ZC3H15: variants seen among roughly 807,000 people sequenced by gnomAD.
ZC3H15 encodes zinc finger CCCH domain-containing protein 15.
Under a neutral mutation model 51.2 loss-of-function variants are expected in ZC3H15, and 15 were observed. The ratio of observed to expected loss-of-function variants is 0.29; its 90% confidence interval spans 0.20 to 0.45. The LOEUF (loss-of-function observed/expected upper bound fraction) is 0.45. Ranked by LOEUF, ZC3H15 falls within the 20% of genes least tolerant of loss-of-function variation. The pLI, the probability that ZC3H15 is intolerant of heterozygous loss-of-function variation, is 1.00. For synonymous variants in ZC3H15, 144 were observed against 162.8 expected (o/e 0.88, Z 0.88); for missense variants, 381 against 494.7 (o/e 0.77, Z 2.18).
chr2:186,498,658 A>C lies in ZC3H15; in HGVS notation c.178-1524A>C, dbSNP rs575281577. On this transcript the variant is annotated intron_variant, in intron 2 of 9. Transcript: ENST00000337859. ...AGCATTTGGCCATTCCTTTCCTAAA[A>C]TTTCCTCTTTCTTGAACACATTTTG... is the stretch of plus-strand genomic sequence containing the variant. Among the ~76,000 whole-genome samples the C allele has an allele frequency of 8.1e-4, 124 of 152,188 alleles. 2 individuals carry two copies. In the South Asian group the frequency reaches 0.025, roughly 31 times the overall value.
In ZC3H15 at chr2:186,508,863, C is replaced by CA. The variant is rs1241363543; in HGVS notation, c.*136dup. 8.4e-6 allele frequency: 8 copies of CA among 947,886 alleles called. No homozygotes were observed. The Admixed American group carries it at 1.3e-4, about 15-fold the overall frequency. The allele number at this position is 947,886 out of a possible 1,614,324, so 58.7% of individuals were successfully genotyped here. A position where few individuals can be genotyped will look rare whatever the true frequency, so the allele number is the denominator to read the frequency against. The stretch of plus-strand genomic sequence containing the variant: ...TGATTCTGGAGGAGTTAACCTCCTG[C>CA]AAAAAAGGCATCTTGTCCCTACATC... On this transcript the variant is annotated 3_prime_UTR_variant, in exon 10 of 10. Transcript: ENST00000337859.
intron 3 of ZC3H15, among the ~76,000 whole-genome samples, chr2:186,500,906 C>T (rs1685371738): frequency 6.6e-6 from 1 of 152,118 alleles, no homozygotes; most frequent in African/African-American, 2.4e-5. Flanking sequence ...ATCTCCTGAC[C>T]TCGTTATCTG....
chr2:186,503,101 A>T (rs1303741362), intron 5 of ZC3H15, among the ~76,000 whole-genome samples: 1 of 152,200 alleles, frequency 6.6e-6, no homozygotes, highest in Non-Finnish European at 1.5e-5. Flanking sequence ...TTATGTCTAT[A>T]TTTATAGTGA....
Position 186,504,727 on chromosome 2 carries a change from TATTCTATG to T in ZC3H15, c.717+515_717+522del, listed in dbSNP as rs1317435922. On this transcript the variant is annotated intron_variant, in intron 6 of 9. Transcript: ENST00000337859. The stretch of plus-strand genomic sequence containing the variant: ...TTTGGCTCCGTACAAAACACAGTTT[TATTCTATG>T]AAAATTTTGAGATTATTAGAAACAT... Among the ~76,000 whole-genome samples, 5 of 152,366 alleles carry T rather than the reference TATTCTATG, an allele frequency of 3.3e-5. No individual in the cohort carries two copies. The East Asian group carries it at 9.6e-4, about 29-fold the overall frequency.
Position 186,508,704 on chromosome 2 carries a change from G to C in ZC3H15, c.1252G>C (p.Glu418Gln). The C allele has an allele frequency of 6.2e-7, 1 of 1,613,938 alleles. No individual in the cohort carries two copies. The highest frequency in any genetic ancestry group is 8.5e-7 in the Non-Finnish European group (1 of 1,179,926). ...TGEDLDELEEELNTLDLEE is the reference protein window; with the variant it reads ...TGEDLDELEEQLNTLDLEE ...AGAGGATTTGGATGAACTAGAAGAA[G>C]AATTAAATACACTTGATTTAGAAGA... is the stretch of plus-strand genomic sequence containing the variant. Residue 418 changes from glutamate to glutamine, a missense_variant, in exon 10 of 10, where the codon GAA (glutamate) becomes CAA (glutamine). By Grantham distance (29) the Glu-to-Gln change is conservative. This residue lies in a region of ZC3H15 where 215 missense variants were observed against 241.8 expected (regional missense o/e 0.89). Coordinates refer to ENST00000337859, the MANE Select transcript of ZC3H15 (RefSeq NM_018471.3).
intron 1 of ZC3H15, among the ~76,000 whole-genome samples, chr2:186,492,122 T>C (rs1017006447): frequency 6.6e-6 from 1 of 152,236 alleles, no homozygotes; most frequent in African/African-American, 2.4e-5. Context: ...GTTTCTTCTC[T>C]GTAGTTACAG....
chr2:186,489,641 G>T (rs943260237), intron 1 of ZC3H15, among the ~76,000 whole-genome samples: 3 of 152,110 alleles, frequency 2.0e-5, no homozygotes, highest in Non-Finnish European at 4.4e-5. Flanking sequence ...AATAATGGTT[G>T]TCCTACCTAC....
rs74593391 is a variant in ZC3H15, at chr2:186,507,943, G to A, written c.1091-600G>A. On this transcript the variant is annotated intron_variant, in intron 9 of 9. Transcript: ENST00000337859. Reference sequence around the variant, plus strand: ...TTGAAATAACTAAAATCTAAATTAGGCTGTTAAAAAATGTCTGTGTAATTG... The same window carrying A: ...TTGAAATAACTAAAATCTAAATTAGACTGTTAAAAAATGTCTGTGTAATTG... Among the ~76,000 whole-genome samples the A allele has an allele frequency of 1.4e-3, 218 of 152,224 alleles. 3 individuals carry two copies. In the East Asian group the frequency reaches 0.031, roughly 22 times the overall value.
intron 5 of ZC3H15, 34 bp downstream of exon 5, chr2:186,502,621 A>G: frequency 6.5e-7 from 1 of 1,528,732 alleles, no homozygotes. Flanking sequence ...TTGCTGTGAT[A>G]TTTATCATTA....
At chr2:186,487,470 A>AATT (rs1685119496) in intron 1 of ZC3H15, 1 of 152,238 alleles carries the variant, frequency 6.6e-6, no homozygotes, top group Non-Finnish European at 1.5e-5. Flanking sequence ...CATAAGGTGT[A>AATT]AAGTCTGCTC....
chr2:186,499,812 C>T (rs1685347861), intron 2 of ZC3H15: 1 of 329,074 alleles, frequency 3.0e-6, no homozygotes, highest in African/African-American at 2.2e-5. Flanking sequence ...TCATGTGGGA[C>T]TGTACATTTC....
chr2:186,500,457 T>C (rs1685362239), intron 3 of ZC3H15, among the ~76,000 whole-genome samples, 164 bp downstream of exon 3: 2 of 152,230 alleles, frequency 1.3e-5, no homozygotes, highest in African/African-American at 4.8e-5. Context: ...ATGATTCCTC[T>C]GTATATGTTC....
At chr2:186,498,479 C>G (rs976859089) in intron 2 of ZC3H15, among the ~76,000 whole-genome samples, 3 of 152,128 alleles carry the variant, frequency 2.0e-5, no homozygotes, top group Non-Finnish European at 2.9e-5. Context: ...TCAAACATTG[C>G]CCCACAAATG....
chr2:186,490,017 AG>A (rs1329857952), intron 1 of ZC3H15, among the ~76,000 whole-genome samples: 2 of 152,214 alleles, frequency 1.3e-5, no homozygotes, highest in African/African-American at 4.8e-5. Context: ...AATAAAAACT[AG>A]GGGACATCAG....
intron 2 of ZC3H15, chr2:186,497,157 C>T: frequency 2.3e-6 from 1 of 437,868 alleles, no homozygotes; most frequent in Non-Finnish European, 4.5e-6. Flanking sequence ...TTTTTATCTC[C>T]TTTTCATTAA....
chr2:186,495,474 C>A, intron 2 of ZC3H15, 140 bp downstream of exon 2: 1 of 551,016 alleles, frequency 1.8e-6, no homozygotes, highest in Non-Finnish European at 3.0e-6. Flanking sequence ...CTTGGCCTTC[C>A]TTACCAGCAG....
chr2:186,505,317 T>A (rs1685450350), intron 6 of ZC3H15, 134 bp from the exon 7 acceptor site: 6 of 1,076,096 alleles, frequency 5.6e-6, no homozygotes, highest in Non-Finnish European at 7.4e-6. Context: ...AAAAAATACA[T>A]AAATTAGCTT....
chr2:186,500,592 T>C (rs1685365708), intron 3 of ZC3H15: 1 of 532,580 alleles, frequency 1.9e-6, no homozygotes. Context: ...AGCAAAGCCA[T>C]AGTTGAATAA....
At chr2:186,502,418 G>A (rs1448145865) in intron 4 of ZC3H15, 78 bp from the exon 5 acceptor site, 3 of 1,222,920 alleles carry the variant, frequency 2.5e-6, no homozygotes. Context: ...TTATAACACA[G>A]CATTAGTGTC....
Sources: gnomAD v4.1 joint callset for allele counts (sites outside exome capture counted in the v4.1 genomes callset) on GRCh38, gnomAD v4.1.1 for gene constraint, gnomAD v4.1.1 regional missense constraint, MANE v1.5 for transcripts, NCBI Gene and HGNC (gene_info 2026-07-23, HGNC 2026-07-21) for gene names.